The following KCNQ5 variants were observed in gnomAD, a reference collection of about 807,000 sequenced individuals.
The protein encoded by KCNQ5 is potassium voltage-gated channel subfamily Q member 5.
Under a neutral mutation model 98.2 loss-of-function variants are expected in KCNQ5, and 30 were observed. The ratio of observed to expected loss-of-function variants is 0.31; its 90% CI spans 0.23 to 0.41. The LOEUF (loss-of-function observed/expected upper bound fraction) is 0.41. Among genes scored for constraint, KCNQ5 ranks in the 10% least tolerant of loss-of-function variants. The probability of loss-of-function intolerance (pLI) is 1.00; values close to 1 mark genes in which losing one functional copy is unlikely to be tolerated. For synonymous variants in KCNQ5, 458 were observed against 449.4 expected (o/e 1.02, Z -0.24); for missense variants, 835 against 1,182.5 (o/e 0.71, Z 4.31).
chr6:72,784,362 T>G (rs1773633173), intron 1 of KCNQ5, among the ~76,000 whole-genome samples: 1 of 152,054 alleles, frequency 6.6e-6, no homozygotes, highest in South Asian at 2.1e-4. Flanking sequence ...GAGAACCAGA[T>G]AAGTGGATGA....
chr6:72,681,834 G>A (rs1337163781), intron 1 of KCNQ5, among the ~76,000 whole-genome samples: 1 of 152,144 alleles, frequency 6.6e-6, no homozygotes, highest in South Asian at 2.1e-4. Context: ...CTGACTTATA[G>A]AATATGGAGT....
intron 1 of KCNQ5, among the ~76,000 whole-genome samples, chr6:72,748,887 T>C (rs1771537621): frequency 1.3e-5 from 2 of 152,174 alleles, no homozygotes; most frequent in African/African-American, 4.8e-5. Flanking sequence ...ATGTTTTTCC[T>C]GCACTGGCTC....
intron 1 of KCNQ5, chr6:72,967,704 T>C (rs1245753664): frequency 6.5e-6 from 1 of 154,764 alleles, no homozygotes; most frequent in Non-Finnish European, 1.5e-5. Context: ...TGTTCCTGGA[T>C]GCAAATTTTA....
intron 1 of KCNQ5, among the ~76,000 whole-genome samples, chr6:72,716,549 C>T (rs1157008075): frequency 6.6e-6 from 1 of 152,282 alleles, no homozygotes; most frequent in East Asian, 1.9e-4. Flanking sequence ...TCAGGAGAAG[C>T]TTTACTTTTT....
intron 1 of KCNQ5, among the ~76,000 whole-genome samples, chr6:72,635,364 AC>A (rs1215880082): frequency 2.0e-5 from 3 of 152,238 alleles, no homozygotes; most frequent in Non-Finnish European, 4.4e-5. Flanking sequence ...TTTCCTATAA[AC>A]ATTAAATTCC....
chr6:73,129,717 T>C (rs1006377614), intron 9 of KCNQ5: 151 of 1,289,342 alleles, frequency 1.2e-4, no homozygotes, highest in Middle Eastern at 3.7e-4. Flanking sequence ...GGCTTTGTTT[T>C]TATAAAAGAA....
At chr6:72,795,126 C>T (rs969668635) in intron 1 of KCNQ5, among the ~76,000 whole-genome samples, 3 of 152,044 alleles carry the variant, frequency 2.0e-5, no homozygotes, top group Admixed American at 6.6e-5. Flanking sequence ...TATTCTAATC[C>T]GAGCAAAACA....
intron 1 of KCNQ5, among the ~76,000 whole-genome samples, chr6:72,779,379 T>C (rs1051486460): frequency 2.6e-5 from 4 of 152,170 alleles, no homozygotes. Flanking sequence ...CATAAATGAA[T>C]ATGTAGACAA....
chr6:73,133,399 A>G, intron 9 of KCNQ5, 22 bp from the exon 10 acceptor site: 1 of 1,606,728 alleles, frequency 6.2e-7, no homozygotes, highest in Non-Finnish European at 8.5e-7. Context: ...AAATGGAATA[A>G]TCATGCCTCT....
Position 72,652,196 on chromosome 6 carries a change from A to G in KCNQ5, c.398+29609A>G, listed in dbSNP as rs1222936932. ...ACATTGAAAGGAAATCAAGCAAAAC[A>G]TTCTGTAATGTGTAGGCAACTTTAA... On this transcript the variant is annotated intron_variant, in intron 1 of 13. Coordinates refer to ENST00000370398, the MANE Select transcript of KCNQ5 (RefSeq NM_019842.4). Among the ~76,000 whole-genome samples the G allele has an allele frequency of 2.6e-5, 4 of 151,348 alleles. 1 individual carries two copies. Among genetic ancestry groups the G allele is most frequent in the Admixed American group, 2.0e-4 (3 of 15,102 alleles).
At chr6:73,022,082 T>C (rs1365356028) in intron 2 of KCNQ5, among the ~76,000 whole-genome samples, 1 of 152,170 alleles carries the variant, frequency 6.6e-6, no homozygotes, top group East Asian at 1.9e-4. Context: ...CATAAGATCA[T>C]GTAACAAGAA....
chr6:72,811,225 G>T (rs1348830578), intron 1 of KCNQ5, among the ~76,000 whole-genome samples: 2 of 152,192 alleles, frequency 1.3e-5, no homozygotes, highest in African/African-American at 4.8e-5. Flanking sequence ...AAGGAAAATT[G>T]TGTTGATGGT....
At chr6:72,834,194 C>T (rs1180935353) in intron 1 of KCNQ5, among the ~76,000 whole-genome samples, 1 of 151,940 alleles carries the variant, frequency 6.6e-6, no homozygotes, top group Admixed American at 6.6e-5. Context: ...ATATTATTCT[C>T]TGTACTTTTC....
At chr6:72,630,237 T>A (rs183928694) in intron 1 of KCNQ5, among the ~76,000 whole-genome samples, 92 of 152,312 alleles carry the variant, frequency 6.0e-4, no homozygotes, top group Non-Finnish European at 4.4e-5. Context: ...ATAGAGCTTA[T>A]CTCTTAATTT....
chr6:73,149,820 GA>G (rs1475779589), intron 10 of KCNQ5, among the ~76,000 whole-genome samples: 104 of 148,092 alleles, frequency 7.0e-4, no homozygotes, highest in Middle Eastern at 3.4e-3. Context: ...GAGAGAGAGA[GA>G]GAGAGGGAGG....
At chr6:72,865,632 G>A (rs990167065) in intron 1 of KCNQ5, among the ~76,000 whole-genome samples, 3 of 152,044 alleles carry the variant, frequency 2.0e-5, no homozygotes, top group African/African-American at 2.4e-5. Flanking sequence ...GACATGTCAC[G>A]AAAACTTGGC....
intron 2 of KCNQ5, among the ~76,000 whole-genome samples, chr6:73,040,358 A>G (rs1000419510): frequency 6.6e-6 from 1 of 152,182 alleles, no homozygotes; most frequent in Admixed American, 6.5e-5. Context: ...TAAAAAGTGG[A>G]TCTGCCATTC....
chr6:73,139,681 A>G (rs930265589), intron 10 of KCNQ5, among the ~76,000 whole-genome samples: 15 of 152,212 alleles, frequency 9.9e-5, no homozygotes, highest in Non-Finnish European at 1.9e-4. Context: ...TGAAAGGCAA[A>G]GTGGGTAAAG....
At chr6:73,076,677 TACAC>T (rs1773556554) in intron 3 of KCNQ5, among the ~76,000 whole-genome samples, 1 of 152,188 alleles carries the variant, frequency 6.6e-6, no homozygotes, top group Non-Finnish European at 1.5e-5. Flanking sequence ...GCAGCAAACT[TACAC>T]ATAATTGGTG....
Sources: allele counts gnomAD v4.1 joint callset (sites outside exome capture counted in the v4.1 genomes callset), GRCh38; gene constraint gnomAD v4.1.1; transcripts MANE v1.5; gene names NCBI Gene and HGNC (gene_info 2026-07-23, HGNC 2026-07-21).